CTNNA2: variants seen among roughly 807,000 people sequenced by gnomAD.
CTNNA2 encodes catenin alpha-2.
CTNNA2 carries 42 observed loss-of-function variants against 101.0 expected under a neutral mutation model. That is an observed-to-expected ratio of 0.42 (90% CI 0.32 to 0.54). The LOEUF (loss-of-function observed/expected upper bound fraction) is 0.54. Among genes scored for constraint, CTNNA2 ranks in the 20% least tolerant of loss-of-function variants. The probability of loss-of-function intolerance (pLI) is 0.14; values close to 1 mark genes in which losing one functional copy is unlikely to be tolerated. For synonymous variants in CTNNA2, 450 were observed against 456.4 expected, an observed-to-expected ratio of 0.99 and a Z score of 0.18; for missense variants, 871 against 1,223.1, an observed-to-expected ratio of 0.71 and a Z score of 4.29.
intron 13 of CTNNA2, among the ~76,000 whole-genome samples, chr2:80,578,121 T>C (rs192101920): frequency 2.6e-5 from 4 of 152,290 alleles, no homozygotes; most frequent in Admixed American, 2.0e-4. Context: ...CCACATGATC[T>C]CCCTGGGCCC....
intron 9 of CTNNA2, among the ~76,000 whole-genome samples, chr2:80,530,316 T>A (rs552437729): frequency 6.6e-6 from 1 of 152,152 alleles, no homozygotes; most frequent in Non-Finnish European, 1.5e-5. Flanking sequence ...GCTGTTGCAA[T>A]TGCAGCCCTC....
chr2:80,114,838 C>G (rs1467927714), intron 7 of CTNNA2, among the ~76,000 whole-genome samples: 1 of 152,156 alleles, frequency 6.6e-6, no homozygotes, highest in Non-Finnish European at 1.5e-5. Context: ...CTGATTTTTG[C>G]TCCATGGTTT....
intron 9 of CTNNA2, among the ~76,000 whole-genome samples, chr2:80,442,750 T>TG (rs1574051814): frequency 6.6e-6 from 1 of 152,190 alleles, no homozygotes; most frequent in East Asian, 1.9e-4. Context: ...TTTAAACCAC[T>TG]TCCCCTGCCA....
intron 4 of CTNNA2, among the ~76,000 whole-genome samples, chr2:79,482,448 C>T (rs1309149459): frequency 6.6e-6 from 1 of 152,146 alleles, no homozygotes; most frequent in African/African-American, 2.4e-5. Context: ...TAGTTCCTGG[C>T]CCGAGCCTGA....
intron 3 of CTNNA2, among the ~76,000 whole-genome samples, chr2:79,829,876 C>G (rs1206030942): frequency 6.6e-6 from 1 of 151,898 alleles, no homozygotes. Flanking sequence ...CCTGCCACCA[C>G]GCCCGGCTAA....
intron 3 of CTNNA2, among the ~76,000 whole-genome samples, chr2:79,757,530 G>T (rs1212730978): frequency 6.6e-6 from 1 of 152,138 alleles, no homozygotes; most frequent in Non-Finnish European, 1.5e-5. Context: ...AAAGAGGCAT[G>T]CAAGGATATA....
intron 7 of CTNNA2, among the ~76,000 whole-genome samples, chr2:80,330,800 T>C (rs1348222115): frequency 6.6e-6 from 1 of 152,094 alleles, no homozygotes; most frequent in Non-Finnish European, 1.5e-5. Flanking sequence ...TTATTAAAAC[T>C]TGCTCCAGGC....
chr2:79,885,226 G>A (rs1683763242), intron 6 of CTNNA2, among the ~76,000 whole-genome samples: 1 of 79,428 alleles, frequency 1.3e-5, no homozygotes, highest in African/African-American at 5.1e-5. Context: ...TAAGTCAGAG[G>A]CCCAAATATA....
chr2:80,574,428 G>A lies in CTNNA2; in HGVS notation c.1893+114G>A, dbSNP rs139961858. ...ATTACTGAGTTTAACTTGGTAAGCTGTTTGGCTCCTTATTAGTCAGACAAG... is the reference window on the plus strand; with the variant it reads ...ATTACTGAGTTTAACTTGGTAAGCTATTTGGCTCCTTATTAGTCAGACAAG... On this transcript the variant is annotated intron_variant, in intron 13 of 18. Coordinates refer to ENST00000402739, the MANE Select transcript of CTNNA2 (RefSeq NM_001282597.3). 8,207 of 1,282,834 alleles carry A rather than the reference G, an allele frequency of 6.4e-3. 41 individuals carry two copies. Among genetic ancestry groups the A allele is most frequent in the Non-Finnish European group, 7.9e-3 (7,582 of 965,800 alleles). The allele number at this position is 1,282,834 out of a possible 1,614,324, so 79.5% of individuals were successfully genotyped here. A position where few individuals can be genotyped will look rare whatever the true frequency, so the allele number is the denominator to read the frequency against.
chr2:79,191,721 A>G (rs533634273), intron 1 of CTNNA2, among the ~76,000 whole-genome samples: 21 of 152,266 alleles, frequency 1.4e-4, no homozygotes, highest in African/African-American at 4.8e-4. Context: ...TACTTGGCTG[A>G]TAAGTTAGAT....
intron 7 of CTNNA2, among the ~76,000 whole-genome samples, chr2:80,085,674 G>T (rs1699396106): frequency 6.6e-6 from 1 of 151,968 alleles, no homozygotes; most frequent in Non-Finnish European, 1.5e-5. Context: ...CATGTTGTCT[G>T]TCTCTGGATC....
intron 2 of CTNNA2, among the ~76,000 whole-genome samples, chr2:79,673,580 C>T (rs1165553144): frequency 3.3e-5 from 5 of 152,228 alleles, no homozygotes; most frequent in Admixed American, 3.3e-4. Context: ...GAAACATTTT[C>T]TTCAATTACC....
At chr2:80,164,582 T>C (rs1474514628) in intron 7 of CTNNA2, among the ~76,000 whole-genome samples, 1 of 152,064 alleles carries the variant, frequency 6.6e-6, no homozygotes, top group Admixed American at 6.6e-5. Context: ...AGGTATTTTG[T>C]ATTTTCCTGT....
chr2:79,512,433 G>A (rs995545380), upstream of CTNNA2, among the ~76,000 whole-genome samples: 7 of 151,690 alleles, frequency 4.6e-5, no homozygotes, highest in Non-Finnish European at 7.4e-5. Flanking sequence ...CTCCCCTCGG[G>A]ACTCCACATC....
intron 9 of CTNNA2, among the ~76,000 whole-genome samples, chr2:80,495,044 G>A (rs1226706126): frequency 2.0e-5 from 3 of 152,198 alleles, no homozygotes; most frequent in East Asian, 1.9e-4. Context: ...GTGATGTTTG[G>A]CACCAGGAAT....
chr2:79,470,773 C>G (rs930519338), intron 4 of CTNNA2, among the ~76,000 whole-genome samples: 5 of 152,170 alleles, frequency 3.3e-5, no homozygotes, highest in African/African-American at 1.2e-4. Context: ...TCTTATTTTA[C>G]TCTCATTGAT....
chr2:79,868,214 GA>G (rs1311184799), intron 4 of CTNNA2, among the ~76,000 whole-genome samples: 2 of 151,914 alleles, frequency 1.3e-5, no homozygotes, highest in African/African-American at 2.4e-5. Context: ...TATAATTAGG[GA>G]AAAAAAGAAG....
intron 7 of CTNNA2, among the ~76,000 whole-genome samples, chr2:80,369,846 A>G (rs1403603557): frequency 6.6e-6 from 1 of 152,152 alleles, no homozygotes; most frequent in Non-Finnish European, 1.5e-5. Flanking sequence ...GGCTGTTTCC[A>G]GAAGCAGGAA....
At chr2:80,603,084 TCAC>T (rs1697697564) in intron 15 of CTNNA2, among the ~76,000 whole-genome samples, 1 of 152,044 alleles carries the variant, frequency 6.6e-6, no homozygotes, top group Non-Finnish European at 1.5e-5. Flanking sequence ...TCTGTACAGC[TCAC>T]CACATTTCTA....
Sources: gnomAD v4.1 joint callset for allele counts (sites outside exome capture counted in the v4.1 genomes callset) on GRCh38, gnomAD v4.1.1 for gene constraint, MANE v1.5 for transcripts, NCBI Gene and HGNC (gene_info 2026-07-23, HGNC 2026-07-21) for gene names.